Variants in IL18RAP observed in about 807,000 individuals in gnomAD.
The protein encoded by IL18RAP is interleukin-18 receptor accessory protein.
In IL18RAP, 37 loss-of-function variants were observed where a neutral mutation model predicts 58.1. That is an observed-to-expected ratio of 0.64 (90% CI 0.49 to 0.84). The LOEUF is 0.84. Among genes scored for constraint, IL18RAP ranks in the 40% least tolerant of loss-of-function variants. IL18RAP has a pLI of 0.00. For missense variants in IL18RAP, 667 were observed against 704.8 expected (o/e 0.95, Z 0.61); for synonymous variants, 268 against 257.5 (o/e 1.04, Z -0.39).
At chr2:102,421,850 C>T (rs1681594197), upstream of IL18RAP, among the ~76,000 whole-genome samples, 1 of 152,172 alleles carries the variant, frequency 6.6e-6, no homozygotes, top group African/African-American at 2.4e-5. Context: ...CTACCTGCCT[C>T]TTGTCCAAGA....
In IL18RAP at chr2:102,450,954, T is replaced by C. The variant is rs755895576; in HGVS notation, c.1317T>C (p.Pro439=). 8.7e-5 allele frequency: 140 copies of C among 1,611,806 alleles called. No individual in the cohort carries two copies. The highest frequency in any genetic ancestry group is 6.8e-6 in the Non-Finnish European group (8 of 1,179,112). ...AACACTTGGCCCTGAGCCTATTTCC[T>C]GATGTTTTAGAAAACAAATATGGAT... ...SEEHLALSLF[P]DVLENKYGYS... Residue 439 remains proline, a synonymous_variant, in exon 9 of 10, where the codon CCT becomes CCC. Transcript: ENST00000687160.
At chr2:102,440,639 A>G (rs1683048330) in intron 4 of IL18RAP, among the ~76,000 whole-genome samples, 1 of 151,592 alleles carries the variant, frequency 6.6e-6, no homozygotes, top group South Asian at 2.1e-4. Context: ...AGAGAGAGAG[A>G]GGGAGAGAGA....
At chr2:102,422,502 C>T (rs925897809), upstream of IL18RAP, among the ~76,000 whole-genome samples, 4 of 152,164 alleles carry the variant, frequency 2.6e-5, no homozygotes, top group Admixed American at 2.6e-4. Context: ...GCCTCCCCAC[C>T]CCTCTGCCCT....
intron 6 of IL18RAP, 66 bp from the exon 7 acceptor site, chr2:102,445,123 C>A: frequency 6.8e-7 from 1 of 1,475,084 alleles, no homozygotes; most frequent in South Asian, 1.2e-5. Flanking sequence ...TATACGTGTT[C>A]CAAATGCTGC....
At chr2:102,430,920 T>G (rs1682306919) in intron 3 of IL18RAP, among the ~76,000 whole-genome samples, 1 of 152,186 alleles carries the variant, frequency 6.6e-6, no homozygotes, top group South Asian at 2.1e-4. Context: ...ATTGTTTTTA[T>G]TAGTTTTGTC....
upstream of IL18RAP, among the ~76,000 whole-genome samples, chr2:102,420,217 C>G (rs3771156): frequency 6.6e-6 from 1 of 151,990 alleles, no homozygotes; most frequent in Non-Finnish European, 1.5e-5. Context: ...CAGCACTAAC[C>G]CACCTCCCCA....
At chr2:102,448,455 T>C (rs1683564310) in intron 8 of IL18RAP, among the ~76,000 whole-genome samples, 1 of 152,208 alleles carries the variant, frequency 6.6e-6, no homozygotes, top group South Asian at 2.1e-4. Flanking sequence ...CTTGCTTCTG[T>C]TTTTTTCTAG....
chr2:102,436,240 C>T (rs560943797), intron 3 of IL18RAP, among the ~76,000 whole-genome samples: 5 of 152,280 alleles, frequency 3.3e-5, no homozygotes, highest in Non-Finnish European at 7.4e-5. Context: ...TGTCCTCCCA[C>T]CATTACGTTC....
In IL18RAP at chr2:102,423,809, AG is replaced by A; in HGVS notation, c.71del. The A allele has an allele frequency of 1.2e-6, 2 of 1,603,146 alleles. No individual in the cohort carries two copies. Among genetic ancestry groups the A allele is most frequent in the Non-Finnish European group, 1.7e-6 (2 of 1,171,174 alleles). ...ATGTGCTTTGTTTATTATGATTTTC[AG>A]GTTGTTCCACAAAAAAACTCCTTTG... On this transcript the variant is annotated splice_acceptor_variant, in intron 1 of 9. Coordinates refer to ENST00000687160, the MANE Select transcript of IL18RAP (RefSeq NM_001393487.1). LOFTEE classifies it high-confidence loss of function.
intron 3 of IL18RAP, among the ~76,000 whole-genome samples, chr2:102,428,018 G>A (rs371431343): frequency 6.6e-6 from 1 of 150,404 alleles, no homozygotes; most frequent in African/African-American, 2.4e-5. Flanking sequence ...ATAAATGTGT[G>A]GGTTTCTTTC....
chr2:102,443,581 G>T (rs1416688183), intron 6 of IL18RAP, among the ~76,000 whole-genome samples: 3 of 152,300 alleles, frequency 2.0e-5, no homozygotes, highest in Admixed American at 6.5e-5. Flanking sequence ...GACCCAGACT[G>T]CTTGGAGATA....
At chr2:102,425,529 C>T (rs1181196722) in intron 3 of IL18RAP, among the ~76,000 whole-genome samples, 1 of 152,020 alleles carries the variant, frequency 6.6e-6, no homozygotes. Context: ...TCAATAAAAC[C>T]CTAATTTCAG....
Position 102,452,403 on chromosome 2 carries a change from G to A in IL18RAP, c.*222G>A. On this transcript the variant is annotated 3_prime_UTR_variant, in exon 10 of 10. Coordinates refer to ENST00000687160, the MANE Select transcript of IL18RAP (RefSeq NM_001393487.1). ...GGCGAGTGAATTCTCTAGACCTTGG[G>A]TACTTTCAGTACACAACACCCCTAA... 2.1e-6 allele frequency: 1 copy of A among 482,626 alleles called. No individual in the cohort carries two copies. The highest frequency in any genetic ancestry group is 4.2e-5 in the South Asian group (1 of 23,586). The allele number at this position is 482,626 out of a possible 1,614,324, so 29.9% of individuals were successfully genotyped here.
Position 102,428,161 on chromosome 2 carries a change from C to T in IL18RAP, c.579+3747C>T, listed in dbSNP as rs973756464. 6.6e-5 allele frequency among the ~76,000 whole-genome samples: 10 copies of T among 151,622 alleles called. No homozygotes were observed. In the South Asian group the frequency reaches 1.5e-3, roughly 22 times the overall value. On this transcript the variant is annotated intron_variant, in intron 3 of 9. Coordinates refer to ENST00000687160, the MANE Select transcript of IL18RAP (RefSeq NM_001393487.1). Reference sequence around the variant, plus strand: ...ACCATCTAGCTTTGTTCTTTTTGCTCAAGATTGTTTTGGTTATTTGGGGTC... The same window carrying T: ...ACCATCTAGCTTTGTTCTTTTTGCTTAAGATTGTTTTGGTTATTTGGGGTC...
intron 8 of IL18RAP, among the ~76,000 whole-genome samples, chr2:102,449,270 A>G (rs752742669): frequency 4.6e-5 from 7 of 152,242 alleles, no homozygotes; most frequent in African/African-American, 7.2e-5. Context: ...TCCTTTTCAA[A>G]AAAAAGGAAG....
intron 4 of IL18RAP, chr2:102,439,829 C>T (rs1028495818): frequency 3.9e-5 from 6 of 152,092 alleles, no homozygotes; most frequent in African/African-American, 1.2e-4. Flanking sequence ...TTTGGACAAG[C>T]CAGTCTGGAG....
intron 4 of IL18RAP, 34 bp downstream of exon 4, chr2:102,437,396 T>C (rs532237510): frequency 6.3e-7 from 1 of 1,584,068 alleles, no homozygotes; most frequent in African/African-American, 1.4e-5. Flanking sequence ...ATTTGAGATC[T>C]GAGCAGCAAA....
At chr2:102,427,958 C>A (rs1018454514) in intron 3 of IL18RAP, among the ~76,000 whole-genome samples, 1 of 149,206 alleles carries the variant, frequency 6.7e-6, no homozygotes, top group African/African-American at 2.5e-5. Context: ...ATAATCCTTT[C>A]CCCATTGTGT....
At chr2:102,428,431 A>G (rs1682113631) in intron 3 of IL18RAP, among the ~76,000 whole-genome samples, 1 of 149,242 alleles carries the variant, frequency 6.7e-6, no homozygotes, top group Non-Finnish European at 1.5e-5. Context: ...TTCTTGGTTA[A>G]ATTTATACCC....
Sources: allele counts gnomAD v4.1 joint callset (sites outside exome capture counted in the v4.1 genomes callset), GRCh38; gene constraint gnomAD v4.1.1; transcripts MANE v1.5; gene names NCBI Gene and HGNC (gene_info 2026-07-23, HGNC 2026-07-21).